The following CDKN3 variants were observed in gnomAD, a reference collection of about 807,000 sequenced individuals.
CDKN3 encodes the protein cyclin-dependent kinase inhibitor 3.
In CDKN3, 19 loss-of-function variants were observed where a neutral mutation model predicts 36.1. That is an observed-to-expected ratio of 0.53 (90% CI 0.37 to 0.77). The LOEUF (loss-of-function observed/expected upper bound fraction) is 0.77, where lower values mean the gene tolerates loss of function less well. Among genes scored for constraint, CDKN3 ranks in the 30% least tolerant of loss-of-function variants. CDKN3 has a pLI of 0.00. For synonymous variants in CDKN3, 71 were observed against 85.3 expected, an observed-to-expected ratio of 0.83 and a Z score of 0.92; for missense variants, 188 against 248.6, an observed-to-expected ratio of 0.76 and a Z score of 1.64.
intron 2 of CDKN3, among the ~76,000 whole-genome samples, chr14:54,400,345 T>G (rs2029898640): frequency 1.3e-5 from 2 of 152,042 alleles, no homozygotes; most frequent in Non-Finnish European, 2.9e-5. Context: ...CAAAATCTAC[T>G]TATTCTTTTA....
intron 2 of CDKN3, 97 bp downstream of exon 2, chr14:54,400,073 CA>C: frequency 1.4e-6 from 1 of 697,656 alleles, no homozygotes; most frequent in African/African-American, 1.8e-5. Flanking sequence ...ATGTAGTTCA[CA>C]TATTGAAAAT....
At chr14:54,401,813 T>C (rs1037556305) in intron 3 of CDKN3, among the ~76,000 whole-genome samples, 1 of 152,126 alleles carries the variant, frequency 6.6e-6, no homozygotes, top group Non-Finnish European at 1.5e-5. Flanking sequence ...CGAAGTCCAA[T>C]GTATCATTCT....
At chr14:54,402,572 T>C (rs1302615027) in intron 3 of CDKN3, among the ~76,000 whole-genome samples, 1 of 152,200 alleles carries the variant, frequency 6.6e-6, no homozygotes. Context: ...CATTTGTCAA[T>C]TTTGGCTTTT....
At chr14:54,402,436 A>T (rs748303584) in intron 3 of CDKN3, among the ~76,000 whole-genome samples, 3 of 151,894 alleles carry the variant, frequency 2.0e-5, no homozygotes, top group Non-Finnish European at 4.4e-5. Context: ...TTCCTTGTAG[A>T]TTCTGGATAT....
intron 4 of CDKN3, 82 bp from the exon 5 acceptor site, chr14:54,411,402 T>C (rs912641823): frequency 1.4e-4 from 147 of 1,083,570 alleles, no homozygotes; most frequent in Non-Finnish European, 1.9e-4. Flanking sequence ...AGAAATTTAA[T>C]TTCATATTCT....
intron 2 of CDKN3, among the ~76,000 whole-genome samples, chr14:54,400,209 A>T (rs1457379066): frequency 1.4e-5 from 2 of 145,920 alleles, no homozygotes; most frequent in Non-Finnish European, 3.0e-5. Context: ...TTCTTTATAC[A>T]TTCTAACTCC....
intron 7 of CDKN3, 144 bp from the exon 8 acceptor site, chr14:54,419,847 CA>C: frequency 1.9e-6 from 1 of 529,210 alleles, no homozygotes; most frequent in South Asian, 2.9e-5. Context: ...AAAACTTCCC[CA>C]TGATGCAAAT....
intron 7 of CDKN3, chr14:54,418,428 A>G: frequency 3.3e-6 from 2 of 608,840 alleles, no homozygotes; most frequent in Non-Finnish European, 5.8e-6. Context: ...AGTGCTAATT[A>G]TCCTTTGCAG....
chr14:54,397,787 C>A (rs1359208245), intron 1 of CDKN3, among the ~76,000 whole-genome samples: 1 of 152,244 alleles, frequency 6.6e-6, no homozygotes, highest in Non-Finnish European at 1.5e-5. Flanking sequence ...GGAAGCCTTT[C>A]CTTTGGGTGC....
At chr14:54,399,818 G>A in intron 1 of CDKN3, 76 bp from the exon 2 acceptor site, 1 of 772,174 alleles carries the variant, frequency 1.3e-6, no homozygotes. Context: ...TTCAGTGTGT[G>A]TTTAGACAAG....
chr14:54,411,426 A>T (rs2030347855), intron 4 of CDKN3, 58 bp from the exon 5 acceptor site: 2 of 1,286,622 alleles, frequency 1.6e-6, no homozygotes, highest in Non-Finnish European at 2.2e-6. Flanking sequence ...TCTTGATGGT[A>T]TTTAAATGTG....
intron 1 of CDKN3, among the ~76,000 whole-genome samples, chr14:54,398,746 A>G (rs895265098): frequency 9.2e-5 from 14 of 152,174 alleles, no homozygotes; most frequent in African/African-American, 1.4e-4. Flanking sequence ...TTAAGTTCCA[A>G]CTGCTTAGAT....
chr14:54,401,613 T>C, intron 3 of CDKN3, 34 bp downstream of exon 3: 3 of 1,374,724 alleles, frequency 2.2e-6, no homozygotes, highest in African/African-American at 2.9e-5. Context: ...CCTATCAATA[T>C]GTATATATTT....
intron 1 of CDKN3, 42 bp downstream of exon 1, chr14:54,397,119 G>A (rs1442798155): frequency 6.2e-6 from 9 of 1,462,382 alleles, no homozygotes; most frequent in Non-Finnish European, 7.2e-6. Flanking sequence ...GAGGCGGCAG[G>A]GACGCAAGCG....
At chr14:54,406,289 A>G (rs377131234) in intron 3 of CDKN3, among the ~76,000 whole-genome samples, 1 of 151,762 alleles carries the variant, frequency 6.6e-6, no homozygotes, top group African/African-American at 2.4e-5. Context: ...CTTCATTTCA[A>G]TCTTGGTGAA....
intron 4 of CDKN3, among the ~76,000 whole-genome samples, chr14:54,409,599 G>A (rs1164624867): frequency 6.6e-6 from 1 of 152,046 alleles, no homozygotes; most frequent in East Asian, 1.9e-4. Flanking sequence ...TTGGTAGGCC[G>A]AGGCGGGTTG....
At chr14:54,415,476 C>T (rs189272137) in intron 5 of CDKN3, among the ~76,000 whole-genome samples, 3 of 152,328 alleles carry the variant, frequency 2.0e-5, no homozygotes, top group Admixed American at 1.3e-4. Flanking sequence ...CTCCAGACTT[C>T]GGTGATACCC....
At chr14:54,398,792 G>A (rs1245012640) in intron 1 of CDKN3, among the ~76,000 whole-genome samples, 1 of 152,020 alleles carries the variant, frequency 6.6e-6, no homozygotes, top group Non-Finnish European at 1.5e-5. Context: ...CTCTAGTCTA[G>A]TGATTCATAA....
intron 1 of CDKN3, among the ~76,000 whole-genome samples, chr14:54,398,707 G>T (rs1566702625): frequency 6.6e-6 from 1 of 152,148 alleles, no homozygotes; most frequent in African/African-American, 2.4e-5. Context: ...AAGGAGTGTA[G>T]AAGTCTTCCA....
Sources: gnomAD v4.1 joint callset for allele counts (sites outside exome capture counted in the v4.1 genomes callset) on GRCh38, gnomAD v4.1.1 for gene constraint, MANE v1.5 for transcripts, NCBI Gene and HGNC (gene_info 2026-07-23, HGNC 2026-07-21) for gene names.